Variants in CASD1 observed in about 807,000 individuals in gnomAD.
The protein encoded by CASD1 is N-acetylneuraminate (7)9-O-acetyltransferase.
In CASD1, 41 loss-of-function variants were observed where a neutral mutation model predicts 100.0. The observed-to-expected ratio is 0.41, with a 90% CI of 0.32 to 0.53. The LOEUF (loss-of-function observed/expected upper bound fraction) is 0.53. Ranked by LOEUF, CASD1 falls within the 20% of genes least tolerant of loss-of-function variation. The pLI, the probability that CASD1 is intolerant of heterozygous loss-of-function variation, is 0.25. For synonymous variants in CASD1, 321 were observed against 315.6 expected (o/e 1.02, Z -0.18); for missense variants, 774 against 948.7 (o/e 0.82, Z 2.42).
the CASD1 span, chr7:94,618,674 G>C: frequency 1.8e-6 from 2 of 1,120,870 alleles, no homozygotes; most frequent in East Asian, 4.9e-5. Context: ...AATGCAATAG[G>C]CCATCTTCCA....
chr7:94,512,450 G>T (rs1793760437), intron 1 of CASD1, among the ~76,000 whole-genome samples: 1 of 152,204 alleles, frequency 6.6e-6, no homozygotes, highest in Non-Finnish European at 1.5e-5. Context: ...GTATGAGTGT[G>T]CTGAGGCAAG....
the CASD1 span, among the ~76,000 whole-genome samples, chr7:94,594,244 T>C: frequency 2.0e-5 from 3 of 152,166 alleles, no homozygotes; most frequent in East Asian, 3.8e-4. Context: ...AAAGTCAATT[T>C]ACTTTTAAGA....
the CASD1 span, among the ~76,000 whole-genome samples, chr7:94,581,611 T>C: frequency 3.9e-5 from 6 of 152,322 alleles, no homozygotes; most frequent in Non-Finnish European, 8.8e-5. Flanking sequence ...CTCTCACTTA[T>C]GAGAACATGT....
At chr7:94,546,385 G>A (rs1361781364) in intron 12 of CASD1, among the ~76,000 whole-genome samples, 6 of 151,644 alleles carry the variant, frequency 4.0e-5, no homozygotes, top group Admixed American at 6.6e-5. Context: ...TCCTTTTTTG[G>A]AAAATAATGT....
chr7:94,553,648 G>A (rs1257826107), intron 16 of CASD1, among the ~76,000 whole-genome samples: 2 of 152,052 alleles, frequency 1.3e-5, no homozygotes, highest in Non-Finnish European at 2.9e-5. Flanking sequence ...ACAGTTTCTT[G>A]CTTTTTATAA....
chr7:94,562,366 A>G, the CASD1 span, among the ~76,000 whole-genome samples: 2 of 152,126 alleles, frequency 1.3e-5, no homozygotes, highest in East Asian at 3.9e-4. Flanking sequence ...GGTAGTCCTA[A>G]GTGTTTCTTC....
intron 5 of CASD1, among the ~76,000 whole-genome samples, chr7:94,530,191 GT>G (rs1794778343): frequency 6.6e-6 from 1 of 152,170 alleles, no homozygotes; most frequent in Non-Finnish European, 1.5e-5. Context: ...TTCAAAATTA[GT>G]TTTCAGATAA....
the CASD1 span, among the ~76,000 whole-genome samples, chr7:94,593,772 C>T: frequency 2.0e-5 from 3 of 152,096 alleles, no homozygotes; most frequent in Admixed American, 6.6e-5. Flanking sequence ...TTCAGTTTCA[C>T]ATGGGGGAAT....
chr7:94,598,256 A>C, the CASD1 span: 2 of 175,198 alleles, frequency 1.1e-5, no homozygotes, highest in Non-Finnish European at 2.4e-5. Flanking sequence ...GCACTAGACA[A>C]GGTTTGCACT....
At chr7:94,547,061 T>A (rs752140156) in intron 12 of CASD1, 35 bp from the exon 13 acceptor site, 1 of 1,349,354 alleles carries the variant, frequency 7.4e-7, no homozygotes, top group South Asian at 1.3e-5. Context: ...TAATATAAAT[T>A]TATTTTTTAG....
At chr7:94,601,340 G>A in the CASD1 span, among the ~76,000 whole-genome samples, 3 of 147,834 alleles carry the variant, frequency 2.0e-5, no homozygotes, top group East Asian at 2.0e-4. Context: ...CAAACGTGTC[G>A]TCCTTGATCT....
At chr7:94,579,896 C>T in the CASD1 span, among the ~76,000 whole-genome samples, 1 of 152,168 alleles carries the variant, frequency 6.6e-6, no homozygotes, top group Non-Finnish European at 1.5e-5. Flanking sequence ...TTCCTCAATC[C>T]TGATTCTCAT....
chr7:94,608,276 C>G, the CASD1 span, among the ~76,000 whole-genome samples: 2 of 152,168 alleles, frequency 1.3e-5, no homozygotes, highest in African/African-American at 4.8e-5. Flanking sequence ...GCAGAGGTTG[C>G]AGTGAGCCGA....
At chr7:94,533,654 A>G (rs1456159702) in intron 6 of CASD1, 25 bp from the exon 7 acceptor site, 4 of 1,551,944 alleles carry the variant, frequency 2.6e-6, no homozygotes, top group Non-Finnish European at 2.6e-6. Flanking sequence ...TACTAAATTA[A>G]TGCATAATTT....
intron 3 of CASD1, among the ~76,000 whole-genome samples, chr7:94,521,515 T>A (rs1011734879): frequency 6.6e-6 from 1 of 152,158 alleles, no homozygotes; most frequent in Non-Finnish European, 1.5e-5. Context: ...TGTGTTTTTT[T>A]AAAACTTAAG....
At chr7:94,597,845 A>G in the CASD1 span, 2 of 152,158 alleles carry the variant, frequency 1.3e-5, no homozygotes, top group Non-Finnish European at 2.9e-5. Flanking sequence ...CATCCCTACT[A>G]AAAATACAAA....
At chr7:94,609,185 A>C in the CASD1 span, among the ~76,000 whole-genome samples, 1 of 152,216 alleles carries the variant, frequency 6.6e-6, no homozygotes, top group East Asian at 1.9e-4. Flanking sequence ...TGTTATCCAA[A>C]ATATACAAAA....
intron 3 of CASD1, among the ~76,000 whole-genome samples, chr7:94,525,666 AAAC>A (rs754240543): frequency 6.6e-6 from 1 of 152,242 alleles, no homozygotes; most frequent in Non-Finnish European, 1.5e-5. Context: ...AGAAGGAGGA[AAAC>A]ACCTGTGTGA....
chr7:94,629,865 G>A, the CASD1 span: 144 of 1,609,170 alleles, frequency 8.9e-5, no homozygotes, highest in African/African-American at 1.5e-3. Flanking sequence ...GGAAAGATAA[G>A]TGACAGAAAG....
Sources: gnomAD v4.1 joint callset for allele counts (sites outside exome capture counted in the v4.1 genomes callset) on GRCh38, gnomAD v4.1.1 for gene constraint, MANE v1.5 for transcripts, NCBI Gene and HGNC (gene_info 2026-07-23, HGNC 2026-07-21) for gene names.